Variants in MFHAS1 observed in about 807,000 individuals in gnomAD.
MFHAS1 encodes the protein multifunctional ROCO family signaling regulator 1.
MFHAS1 carries 50 observed loss-of-function variants against 70.4 expected under a neutral mutation model. The observed-to-expected ratio is 0.71, with a 90% CI of 0.57 to 0.90. MFHAS1 has a LOEUF of 0.90. Ranked by LOEUF, MFHAS1 falls within the 40% of genes least tolerant of loss-of-function variation. The pLI is 0.00. For synonymous variants in MFHAS1, 952 were observed against 620.0 expected (o/e 1.54, Z -7.96); for missense variants, 1,795 against 1,347.6 (o/e 1.33, Z -5.20).
intron 1 of MFHAS1, among the ~76,000 whole-genome samples, chr8:8,843,300 A>T (rs913926938): frequency 2.0e-5 from 3 of 151,614 alleles, no homozygotes; most frequent in Non-Finnish European, 4.4e-5. Context: ...AAAGCGAAAG[A>T]GGGCCAGGTG....
intron 1 of MFHAS1, among the ~76,000 whole-genome samples, chr8:8,817,075 G>A (rs1806774098): frequency 6.6e-6 from 1 of 152,282 alleles, no homozygotes; most frequent in Non-Finnish European, 1.5e-5. Flanking sequence ...AGGGTAATTA[G>A]AGATCAGGAC....
Position 8,841,131 on chromosome 8 carries a change from T to C in MFHAS1, c.2999-43640A>G, listed in dbSNP as rs552148649. On this transcript the variant is annotated intron_variant, in intron 1 of 2. Transcript: ENST00000276282. ...ATGTAACATCTCCTTCGCATATTCCTTAAGATATTCTTCATGTGCTAAAAA... is the reference window on the plus strand; with the variant it reads ...ATGTAACATCTCCTTCGCATATTCCCTAAGATATTCTTCATGTGCTAAAAA... 1.2e-3 allele frequency among the ~76,000 whole-genome samples: 182 copies of C among 152,368 alleles called. 2 individuals are homozygous for C. In the Middle Eastern group the frequency reaches 0.017, roughly 14 times the overall value.
At chr8:8,854,415 G>A (rs544914475) in intron 1 of MFHAS1, among the ~76,000 whole-genome samples, 58 of 152,246 alleles carry the variant, frequency 3.8e-4, no homozygotes, top group African/African-American at 1.3e-3. Flanking sequence ...CAGCTACTCC[G>A]GAGGCTGAGG....
At chr8:8,829,064 C>G (rs1585039095) in intron 1 of MFHAS1, among the ~76,000 whole-genome samples, 1 of 152,144 alleles carries the variant, frequency 6.6e-6, no homozygotes, top group Admixed American at 6.5e-5. Flanking sequence ...GCAGAATGGG[C>G]CCTTTGTGAT....
At chr8:8,854,206 G>T (rs113492387) in intron 1 of MFHAS1, among the ~76,000 whole-genome samples, 4,986 of 152,138 alleles carry the variant, frequency 0.033, 246 homozygotes, top group African/African-American at 0.11. Flanking sequence ...AGACCAGCCT[G>T]GCCAACATGG....
chr8:8,842,480 T>C (rs1018086364), intron 1 of MFHAS1, among the ~76,000 whole-genome samples: 1 of 152,120 alleles, frequency 6.6e-6, no homozygotes, highest in African/African-American at 2.4e-5. Flanking sequence ...TGAGCCACCA[T>C]GCCCGACCCC....
intron 1 of MFHAS1, among the ~76,000 whole-genome samples, chr8:8,847,626 A>G (rs986633369): frequency 6.6e-6 from 1 of 152,236 alleles, no homozygotes; most frequent in African/African-American, 2.4e-5. Context: ...CTATGCTTAG[A>G]ATTGTCATTT....
At chr8:8,845,182 A>G (rs764676034) in intron 1 of MFHAS1, among the ~76,000 whole-genome samples, 2 of 152,218 alleles carry the variant, frequency 1.3e-5, no homozygotes, top group African/African-American at 2.4e-5. Context: ...GTTCTGCTTC[A>G]ACTGCCATTC....
In MFHAS1 at chr8:8,827,949, T is replaced by C. The variant is rs1344849003; in HGVS notation, c.2999-30458A>G. Among the ~76,000 whole-genome samples, 4 of 152,228 alleles carry C rather than the reference T, an allele frequency of 2.6e-5. 1 individual carries two copies. The highest frequency in any genetic ancestry group is 2.6e-4 in the Admixed American group (4 of 15,276). ...TTCTTTGTTATGTAGTTTATTTTTA[T>C]CTAAGGAATGTTGGAGGGACCCCAG... On this transcript the variant is annotated intron_variant, in intron 1 of 2. Coordinates refer to ENST00000276282, the MANE Select transcript of MFHAS1 (RefSeq NM_004225.3).
intron 1 of MFHAS1, among the ~76,000 whole-genome samples, chr8:8,842,691 T>A (rs1807877741): frequency 6.6e-6 from 1 of 152,170 alleles, no homozygotes; most frequent in Non-Finnish European, 1.5e-5. Flanking sequence ...ATCTCTGGAC[T>A]CAGCATCATC....
intron 2 of MFHAS1, 133 bp downstream of exon 2, chr8:8,797,232 G>A: frequency 1.1e-6 from 1 of 918,320 alleles, no homozygotes; most frequent in Non-Finnish European, 1.6e-6. Flanking sequence ...ATGTCATCCA[G>A]AAGAATTATG....
intron 1 of MFHAS1, among the ~76,000 whole-genome samples, chr8:8,798,249 G>A (rs113776681): frequency 3.7e-4 from 56 of 152,324 alleles, no homozygotes; most frequent in African/African-American, 1.3e-3. Flanking sequence ...TTCTCAGAGA[G>A]TACTCAAGAA....
In MFHAS1 at chr8:8,890,870, A is replaced by T. The variant is rs748022931; in HGVS notation, c.2189T>A (p.Leu730His). 6.2e-7 allele frequency: 1 copy of T among 1,614,064 alleles called. No individual in the cohort carries two copies. ...PALKEHVFHN[L>H]TRLIDILNVF... ...ATTGAGGATGTCGATGAGGCGGGTG[A>T]GGTTGTGGAAGACGTGCTCCTTGAG... The change falls in exon 1 of 3, where the codon CTC becomes CAC. Residue 730 changes from leucine (L) to histidine (H), a missense_variant. Physicochemically the swap from Leu to His is moderately conservative, Grantham distance 99. Coordinates refer to ENST00000276282, the MANE Select transcript of MFHAS1 (RefSeq NM_004225.3).
At chr8:8,808,750 G>A (rs190366404) in intron 1 of MFHAS1, among the ~76,000 whole-genome samples, 89 of 152,278 alleles carry the variant, frequency 5.8e-4, no homozygotes, top group African/African-American at 1.9e-3. Flanking sequence ...AGATATGACC[G>A]GAAACGTTTT....
intron 1 of MFHAS1, among the ~76,000 whole-genome samples, chr8:8,801,337 A>T (rs575641083): frequency 6.6e-6 from 1 of 152,364 alleles, no homozygotes; most frequent in African/African-American, 2.4e-5. Context: ...TTTGGGTCTT[A>T]TCTCTAGCAG....
intron 1 of MFHAS1, among the ~76,000 whole-genome samples, chr8:8,838,022 A>C (rs1807666317): frequency 6.6e-6 from 1 of 152,228 alleles, no homozygotes; most frequent in Non-Finnish European, 1.5e-5. Flanking sequence ...CCAAACTGGA[A>C]ACAGCCTCTA....
chr8:8,800,161 A>C (rs1390506016), intron 1 of MFHAS1, among the ~76,000 whole-genome samples: 1 of 152,306 alleles, frequency 6.6e-6, no homozygotes, highest in African/African-American at 2.4e-5. Context: ...GAAAAACATT[A>C]ATTTCCTGAC....
At chr8:8,805,870 G>T (rs1457415077) in intron 1 of MFHAS1, among the ~76,000 whole-genome samples, 2 of 151,570 alleles carry the variant, frequency 1.3e-5, no homozygotes, top group Non-Finnish European at 2.9e-5. Flanking sequence ...GCTAATTTTT[G>T]TATTTTTAGT....
intron 2 of MFHAS1, among the ~76,000 whole-genome samples, chr8:8,791,615 T>C (rs550207647): frequency 6.6e-6 from 1 of 152,282 alleles, no homozygotes; most frequent in East Asian, 1.9e-4. Context: ...AAATGGAATA[T>C]TGGGTCTCAA....
Sources: gnomAD v4.1 joint callset for allele counts (sites outside exome capture counted in the v4.1 genomes callset) on GRCh38, gnomAD v4.1.1 for gene constraint, MANE v1.5 for transcripts, NCBI Gene and HGNC (gene_info 2026-07-23, HGNC 2026-07-21) for gene names.